DPH6: variants seen among roughly 807,000 people sequenced by gnomAD.
The protein encoded by DPH6 is diphthamine biosynthesis 6.
DPH6 carries 33 observed loss-of-function variants against 38.2 expected under a neutral mutation model. The ratio of observed to expected loss-of-function variants is 0.86; its 90% CI spans 0.65 to 1.15. The LOEUF (loss-of-function observed/expected upper bound fraction) is 1.15, where lower values mean the gene tolerates loss of function less well. DPH6 is among the 50% of genes most tolerant of loss of function. The pLI, the probability that DPH6 is intolerant of heterozygous loss-of-function variation, is 0.00. For synonymous variants in DPH6, 108 were observed against 103.0 expected, an observed-to-expected ratio of 1.05 and a Z score of -0.30; for missense variants, 325 against 320.0, an observed-to-expected ratio of 1.02 and a Z score of -0.12.
intron 4 of DPH6, among the ~76,000 whole-genome samples, chr15:35,452,482 T>C (rs1199068687): frequency 1.5e-5 from 1 of 67,902 alleles, no homozygotes; most frequent in African/African-American, 3.7e-5. Context: ...CTGGCCTATA[T>C]TGATCTCTCT....
intron 3 of DPH6, among the ~76,000 whole-genome samples, chr15:35,307,855 C>A (rs1183291505): frequency 6.6e-6 from 1 of 152,092 alleles, no homozygotes; most frequent in Non-Finnish European, 1.5e-5. Flanking sequence ...GCAGATGGAG[C>A]AAATGTCAGC....
downstream of DPH6, among the ~76,000 whole-genome samples, chr15:35,368,166 C>A (rs187923127): frequency 2.2e-4 from 34 of 151,858 alleles, no homozygotes; most frequent in Admixed American, 2.0e-3. Flanking sequence ...TCTCTTGTGC[C>A]TAAAGGTATA....
intron 6 of DPH6, chr15:35,401,346 T>C (rs1445239809): frequency 5.3e-6 from 4 of 761,058 alleles, no homozygotes; most frequent in Non-Finnish European, 9.6e-6. Context: ...GTGGCAGCTG[T>C]GGTGCTGATG....
At chr15:35,402,187 G>C (rs2053229304) in intron 6 of DPH6, among the ~76,000 whole-genome samples, 1 of 152,156 alleles carries the variant, frequency 6.6e-6, no homozygotes, top group Non-Finnish European at 1.5e-5. Context: ...AATTCCTTCA[G>C]GGTGATGCCA....
At chr15:35,498,577 C>G (rs568475895) in intron 3 of DPH6, among the ~76,000 whole-genome samples, 1 of 152,062 alleles carries the variant, frequency 6.6e-6, no homozygotes, top group Non-Finnish European at 1.5e-5. Context: ...AAATGGCCAC[C>G]AGTGAGAAGT....
At chr15:35,170,757 G>A in the DPH6 span, among the ~76,000 whole-genome samples, 1 of 152,126 alleles carries the variant, frequency 6.6e-6, no homozygotes, top group Admixed American at 6.6e-5. Flanking sequence ...TAAAAGAGCT[G>A]AGAACAACAG....
intron 3 of DPH6, among the ~76,000 whole-genome samples, chr15:35,472,666 A>T (rs1025967457): frequency 2.0e-5 from 3 of 152,220 alleles, no homozygotes; most frequent in African/African-American, 7.2e-5. Flanking sequence ...CATTTAAGGA[A>T]AATTGAAAGA....
Position 35,320,023 on chromosome 15 carries a change from C to G in DPH6, n.200+53498G>C, listed in dbSNP as rs74809663. Among the ~76,000 whole-genome samples the G allele has an allele frequency of 5.5e-4, 83 of 152,204 alleles. No homozygotes were observed. In the East Asian group the frequency reaches 0.012, roughly 23 times the overall value. On this transcript the variant is annotated intron_variant and non_coding_transcript_variant, in intron 3 of 3. Coordinates refer to the DPH6 transcript ENST00000560386. ...GCTATGTGAAAATTAGTCTGTCCAG[C>G]CTTTCAGTTCATTAAACTGATCTTT... is the stretch of plus-strand genomic sequence containing the variant.
chr15:35,538,464 C>T lies in DPH6; in HGVS notation c.122G>A (p.Gly41Glu), dbSNP rs34907758. Residue 41 changes from glycine to glutamate, a missense_variant, in exon 3 of 9, where the codon GGG becomes GAG. Physicochemically the swap from Gly to Glu is moderately conservative, Grantham distance 98. Transcript: ENST00000256538. The part of the protein sequence containing the change: ...ANLRPAENQV[G>E]SDELDSYMYQ... ...CATGTAGCTATCCAGTTCATCAGAC[C>T]CCACTGCAACAATTAAAATGGAAAT... 4.5e-3 allele frequency: 6,840 copies of T among 1,512,570 alleles called. 227 individuals carry two copies. In the African/African-American group the frequency reaches 0.076, roughly 17 times the overall value. The allele number at this position is 1,512,570 out of a possible 1,614,324, so 93.7% of individuals were successfully genotyped here.
chr15:35,153,555 T>A, the DPH6 span, among the ~76,000 whole-genome samples: 14 of 152,160 alleles, frequency 9.2e-5, no homozygotes, highest in African/African-American at 3.4e-4. Flanking sequence ...GCCATCCTTC[T>A]AAGAAGCATG....
chr15:35,433,714 C>A (rs931768884), intron 5 of DPH6, among the ~76,000 whole-genome samples: 4 of 152,156 alleles, frequency 2.6e-5, no homozygotes, highest in Non-Finnish European at 5.9e-5. Flanking sequence ...CAGTAGTTCT[C>A]TTCCTTGGAT....
intron 3 of DPH6, among the ~76,000 whole-genome samples, chr15:35,275,276 C>T (rs1056730007): frequency 6.6e-6 from 1 of 152,106 alleles, no homozygotes; most frequent in East Asian, 1.9e-4. Flanking sequence ...GCACTATTTA[C>T]AATAGCAAAG....
intron 3 of DPH6, among the ~76,000 whole-genome samples, chr15:35,249,297 C>G (rs1399177752): frequency 2.0e-5 from 3 of 151,804 alleles, no homozygotes; most frequent in Admixed American, 6.6e-5. Context: ...TGTCATATAC[C>G]AGAAAAACAG....
At chr15:35,540,383 T>C (rs548043455) in intron 2 of DPH6, among the ~76,000 whole-genome samples, 35 of 152,188 alleles carry the variant, frequency 2.3e-4, no homozygotes, top group Admixed American at 1.6e-3. Flanking sequence ...ACACCACCCA[T>C]TGAAAACCCG....
At chr15:35,462,774 A>T (rs1020076432) in intron 3 of DPH6, among the ~76,000 whole-genome samples, 2 of 152,182 alleles carry the variant, frequency 1.3e-5, no homozygotes, top group African/African-American at 4.8e-5. Context: ...TCTCAGCTCC[A>T]TGATGGTACT....
chr15:35,364,486 A>G (rs867808174), intron 3 of DPH6, among the ~76,000 whole-genome samples: 8 of 152,120 alleles, frequency 5.3e-5, no homozygotes, highest in African/African-American at 1.9e-4. Context: ...CAACTGAACT[A>G]TTAAATAAAT....
chr15:35,363,928 C>T (rs558769497), intron 3 of DPH6, among the ~76,000 whole-genome samples: 119 of 151,934 alleles, frequency 7.8e-4, no homozygotes, highest in African/African-American at 2.8e-3. Context: ...TCTCTAACAC[C>T]CTTAGTTATG....
At position 35,373,572 on chromosome 15, in the gene DPH6, T is replaced by C; in HGVS notation, c.699A>G (p.Ala233=). The stretch of plus-strand genomic sequence containing the variant: ...AGCGTAGATAAGCCACAGGTGCAAA[T>C]GCATCAGCTGAATGTATGACTACTT... The part of the protein sequence containing the change: ...SSEVVIHSAD[A]FAPVAYLRFL... The change falls in exon 8 of 9, where the codon GCA becomes GCG. Residue 233 remains alanine, a synonymous_variant. Coordinates refer to ENST00000256538, the MANE Select transcript of DPH6 (RefSeq NM_080650.4). The C allele has an allele frequency of 6.2e-7, 1 of 1,609,220 alleles. No individual in the cohort carries two copies. Among genetic ancestry groups the C allele is most frequent in the Non-Finnish European group, 8.5e-7 (1 of 1,177,628 alleles).
the DPH6 span, among the ~76,000 whole-genome samples, chr15:35,169,156 T>G: frequency 1.3e-5 from 2 of 152,112 alleles, no homozygotes; most frequent in African/African-American, 2.4e-5. Flanking sequence ...ATAACCATCT[T>G]TTATATTAGT....
Sources: gnomAD v4.1 joint callset for allele counts (sites outside exome capture counted in the v4.1 genomes callset) on GRCh38, gnomAD v4.1.1 for gene constraint, MANE v1.5 for transcripts, NCBI Gene and HGNC (gene_info 2026-07-23, HGNC 2026-07-21) for gene names.